Variants in SHISAL1 observed in about 807,000 individuals in gnomAD.
SHISAL1 encodes protein shisa-like-1.
A neutral mutation model predicts 22.6 loss-of-function variants in SHISAL1; 9 were observed. The ratio of observed to expected loss-of-function variants is 0.40; its 90% CI spans 0.24 to 0.70. SHISAL1 has a LOEUF of 0.70. SHISAL1 is among the 30% of genes least tolerant of loss of function. The pLI is 0.39. For synonymous variants in SHISAL1, 119 were observed against 115.4 expected, an observed-to-expected ratio of 1.03 and a Z score of -0.20; for missense variants, 246 against 270.6, an observed-to-expected ratio of 0.91 and a Z score of 0.64.
chr22:44,288,057 T>C (rs2055328415), intron 3 of SHISAL1, among the ~76,000 whole-genome samples: 1 of 151,918 alleles, frequency 6.6e-6, no homozygotes. Flanking sequence ...GGCCAAGAAA[T>C]AATAGTACCA....
intron 1 of SHISAL1, 98 bp from the exon 2 acceptor site, chr22:44,301,075 G>C: frequency 1.3e-6 from 1 of 760,734 alleles, no homozygotes; most frequent in South Asian, 1.7e-5. Flanking sequence ...GCAGCGGGCA[G>C]GAGAGCGAGT....
chr22:44,281,347 G>A (rs1019034522), intron 4 of SHISAL1, among the ~76,000 whole-genome samples: 7 of 152,160 alleles, frequency 4.6e-5, no homozygotes, highest in East Asian at 1.9e-4. Context: ...GCAGGAGGAC[G>A]GAGGTCCAGA....
chr22:44,294,881 A>T (rs144778581), intron 3 of SHISAL1, among the ~76,000 whole-genome samples: 3 of 152,340 alleles, frequency 2.0e-5, no homozygotes, highest in East Asian at 3.9e-4. Context: ...CTCGAAATAA[A>T]TGCAAAATAT....
At chr22:44,316,472 A>G (rs114638028), upstream of SHISAL1, among the ~76,000 whole-genome samples, 1,885 of 152,204 alleles carry the variant, frequency 0.012, 45 homozygotes, top group African/African-American at 0.042. Flanking sequence ...ATGCCCACTC[A>G]AGGAAGAGCT....
intron 1 of SHISAL1, 78 bp from the exon 2 acceptor site, chr22:44,301,055 G>A (rs991949958): frequency 7.4e-6 from 7 of 941,240 alleles, no homozygotes; most frequent in African/African-American, 3.3e-5. Flanking sequence ...AGCGGGGGAC[G>A]GGCAGGCGGG....
chr22:44,319,734 C>T, the SHISAL1 span, among the ~76,000 whole-genome samples: 121 of 152,348 alleles, frequency 7.9e-4, no homozygotes, highest in African/African-American at 2.7e-3. Flanking sequence ...CCCACCACTC[C>T]GGTCTGGCCT....
intron 1 of SHISAL1, among the ~76,000 whole-genome samples, chr22:44,301,922 G>T (rs966518228): frequency 1.3e-5 from 2 of 152,140 alleles, no homozygotes; most frequent in African/African-American, 2.4e-5. Flanking sequence ...GGAGGGGGAT[G>T]GGGAGTGAAT....
chr22:44,323,069 C>A, the SHISAL1 span, among the ~76,000 whole-genome samples: 1 of 143,060 alleles, frequency 7.0e-6, no homozygotes, highest in South Asian at 2.4e-4. Flanking sequence ...ACCCACCTCA[C>A]CCACCCATCC....
chr22:44,298,130 G>C (rs958279171), intron 2 of SHISAL1, among the ~76,000 whole-genome samples: 1 of 152,224 alleles, frequency 6.6e-6, no homozygotes, highest in Non-Finnish European at 1.5e-5. Context: ...CGAGAGAAAG[G>C]TCTCAGCTTT....
chr22:44,268,299 C>T (rs185665000), intron 4 of SHISAL1, among the ~76,000 whole-genome samples: 27 of 152,218 alleles, frequency 1.8e-4, no homozygotes, highest in African/African-American at 4.3e-4. Context: ...TCCCGCTCTA[C>T]GAAAATAAAG....
the SHISAL1 span, among the ~76,000 whole-genome samples, chr22:44,325,445 C>T: frequency 6.6e-6 from 1 of 152,174 alleles, no homozygotes; most frequent in African/African-American, 2.4e-5. Flanking sequence ...TCTTGAAGCC[C>T]AGCCCCTCTT....
In SHISAL1 at chr22:44,274,058, T is replaced by TC. The variant is rs926221236; in HGVS notation, c.599+11369dup. ...CATAGTGAACCTCCCGGCCCCCCCC[T>TC]CCCCCCCACCCACCCTGTCTCCACT... On this transcript the variant is annotated intron_variant, in intron 4 of 4. Coordinates refer to ENST00000381176, the MANE Select transcript of SHISAL1 (RefSeq NM_001099294.2). 1.3e-4 allele frequency among the ~76,000 whole-genome samples: 11 copies of TC among 82,746 alleles called. No individual in the cohort carries two copies. In the South Asian group the frequency reaches 4.2e-3, roughly 31 times the overall value. 54.3% of individuals were successfully genotyped at this position (82,746 alleles called of 152,430 possible). A position where few individuals can be genotyped will look rare whatever the true frequency, so the allele number is the denominator to read the frequency against.
chr22:44,253,017 A>G (rs890790566), intron 4 of SHISAL1, among the ~76,000 whole-genome samples: 3 of 151,966 alleles, frequency 2.0e-5, no homozygotes, highest in African/African-American at 7.3e-5. Flanking sequence ...AAAAAATAAA[A>G]AAAAAGGGCA....
chr22:44,299,247 C>T (rs1438376743), intron 2 of SHISAL1, among the ~76,000 whole-genome samples: 2 of 152,310 alleles, frequency 1.3e-5, no homozygotes, highest in Admixed American at 1.3e-4. Context: ...AGAGCAGGGA[C>T]GCAAAGGAGA....
intron 4 of SHISAL1, among the ~76,000 whole-genome samples, chr22:44,260,358 T>C (rs1367346941): frequency 6.6e-6 from 1 of 152,248 alleles, no homozygotes; most frequent in Non-Finnish European, 1.5e-5. Context: ...ACCTCCGTGC[T>C]GCACAGGAAG....
At chr22:44,260,086 G>C (rs2055111419) in intron 4 of SHISAL1, among the ~76,000 whole-genome samples, 1 of 152,090 alleles carries the variant, frequency 6.6e-6, no homozygotes, top group African/African-American at 2.4e-5. Flanking sequence ...CGACTGAGAA[G>C]ACATACAAGC....
upstream of SHISAL1, among the ~76,000 whole-genome samples, chr22:44,317,417 A>C (rs2055565103): frequency 6.6e-6 from 1 of 152,208 alleles, no homozygotes; most frequent in African/African-American, 2.4e-5. Flanking sequence ...CAAAGGTGGT[A>C]GGAAGTGGCT....
At chr22:44,276,256 CAGG>C (rs2055238917) in intron 4 of SHISAL1, among the ~76,000 whole-genome samples, 1 of 151,906 alleles carries the variant, frequency 6.6e-6, no homozygotes, top group South Asian at 2.1e-4. Flanking sequence ...TGCTGGGATC[CAGG>C]AGGAGAGAGG....
At chr22:44,307,455 C>T (rs574446620) in intron 1 of SHISAL1, among the ~76,000 whole-genome samples, 1 of 152,274 alleles carries the variant, frequency 6.6e-6, no homozygotes, top group South Asian at 2.1e-4. Flanking sequence ...GCTTCTGAGG[C>T]CTCCTGAGGA....
Sources: gnomAD v4.1 joint callset for allele counts (sites outside exome capture counted in the v4.1 genomes callset) on GRCh38, gnomAD v4.1.1 for gene constraint, MANE v1.5 for transcripts, NCBI Gene and HGNC (gene_info 2026-07-23, HGNC 2026-07-21) for gene names.